PTPRD: variants seen among roughly 807,000 people sequenced by gnomAD.
PTPRD encodes receptor-type tyrosine-protein phosphatase delta.
In PTPRD, 34 loss-of-function variants were observed where a neutral mutation model predicts 214.5. The ratio of observed to expected loss-of-function variants is 0.16; its 90% CI spans 0.12 to 0.21. The LOEUF (loss-of-function observed/expected upper bound fraction) is 0.21. Ranked by LOEUF, PTPRD falls within the 10% of genes least tolerant of loss-of-function variation. The probability of loss-of-function intolerance (pLI) is 1.00; values close to 1 mark genes in which losing one functional copy is unlikely to be tolerated. For missense variants in PTPRD, 2,545 were observed against 2,398.7 expected (o/e 1.06, Z -1.27); for synonymous variants, 1,128 against 845.7 (o/e 1.33, Z -5.79).
chr9:8,531,031 C>T (rs1223354365), intron 14 of PTPRD, among the ~76,000 whole-genome samples: 3 of 152,032 alleles, frequency 2.0e-5, no homozygotes, highest in African/African-American at 7.2e-5. Flanking sequence ...GGGCCGGGTA[C>T]TAAACACACT....
chr9:9,890,372 A>C (rs1454668874), intron 5 of PTPRD, among the ~76,000 whole-genome samples: 2 of 151,274 alleles, frequency 1.3e-5, no homozygotes, highest in African/African-American at 4.8e-5. Context: ...TTTTTTTTGA[A>C]TTTTTTATAG....
chr9:8,907,002 A>G (rs1243938556), intron 11 of PTPRD, among the ~76,000 whole-genome samples: 1 of 152,102 alleles, frequency 6.6e-6, no homozygotes, highest in Non-Finnish European at 1.5e-5. Context: ...AAAAGTTAGG[A>G]CAGAATTGAA....
chr9:9,835,481 T>C (rs2056479563), intron 5 of PTPRD, among the ~76,000 whole-genome samples: 2 of 152,130 alleles, frequency 1.3e-5, no homozygotes, highest in African/African-American at 4.8e-5. Flanking sequence ...ATTGTATTGT[T>C]GGCACACTGG....
intron 9 of PTPRD, among the ~76,000 whole-genome samples, chr9:9,195,952 A>G (rs2099938338): frequency 1.3e-5 from 2 of 152,202 alleles, no homozygotes; most frequent in African/African-American, 4.8e-5. Flanking sequence ...TGAGAATTCT[A>G]AACTCTTCTT....
At position 9,281,890 on chromosome 9, in the gene PTPRD, T is replaced by C. The variant is rs80148338; in HGVS notation, c.-202-98527A>G. 4.0e-3 allele frequency among the ~76,000 whole-genome samples: 603 copies of C among 151,144 alleles called. 6 individuals carry two copies. Among genetic ancestry groups the C allele is most frequent in the African/African-American group, 0.013 (558 of 41,366 alleles). On this transcript the variant is annotated intron_variant, in intron 9 of 45. Transcript: ENST00000381196. Reference sequence around the variant, plus strand: ...GTAGATGAATGGATAAACTGTAGTATATCCAGATGATGAAATATTATTCAG... The same window carrying C: ...GTAGATGAATGGATAAACTGTAGTACATCCAGATGATGAAATATTATTCAG...
intron 6 of PTPRD, among the ~76,000 whole-genome samples, chr9:9,740,938 C>T (rs1193115533): frequency 6.6e-6 from 1 of 152,006 alleles, no homozygotes; most frequent in Non-Finnish European, 1.5e-5. Flanking sequence ...TGGCTGAAGT[C>T]TGAGGTTCAT....
intron 8 of PTPRD, among the ~76,000 whole-genome samples, chr9:9,441,807 C>T (rs1197142035): frequency 6.6e-6 from 1 of 152,186 alleles, no homozygotes; most frequent in Non-Finnish European, 1.5e-5. Context: ...GATTACCACT[C>T]AAGCTTTGCA....
chr9:10,292,054 G>T (rs2095542047), intron 3 of PTPRD, among the ~76,000 whole-genome samples: 1 of 151,864 alleles, frequency 6.6e-6, no homozygotes, highest in African/African-American at 2.4e-5. Context: ...AAGTAATTTT[G>T]GTCCCTATAT....
At chr9:10,354,971 G>C (rs10959065) in intron 2 of PTPRD, among the ~76,000 whole-genome samples, 1 of 151,982 alleles carries the variant, frequency 6.6e-6, no homozygotes. Context: ...CATTGTATTT[G>C]CTAAATAGAT....
At chr9:9,308,232 C>A (rs1024836852) in intron 9 of PTPRD, among the ~76,000 whole-genome samples, 1 of 152,136 alleles carries the variant, frequency 6.6e-6, no homozygotes, top group African/African-American at 2.4e-5. Context: ...ATATCACCAA[C>A]TAATGACACA....
At chr9:10,130,377 C>A (rs1384456135) in intron 3 of PTPRD, among the ~76,000 whole-genome samples, 13 of 152,112 alleles carry the variant, frequency 8.5e-5, no homozygotes, top group South Asian at 2.1e-4. Flanking sequence ...GTACAAAGCC[C>A]ACTTTGTCAT....
At chr9:8,694,337 T>C (rs1417058827) in intron 12 of PTPRD, among the ~76,000 whole-genome samples, 37 of 152,092 alleles carry the variant, frequency 2.4e-4, no homozygotes. Context: ...GCAGAATCCA[T>C]AGAGGTATCC....
intron 8 of PTPRD, among the ~76,000 whole-genome samples, chr9:9,507,297 G>A (rs922969584): frequency 2.6e-5 from 4 of 151,116 alleles, no homozygotes; most frequent in African/African-American, 9.7e-5. Context: ...CAGAAACTGG[G>A]ATTAAATTTG....
chr9:9,323,637 T>C (rs957254784), intron 9 of PTPRD, among the ~76,000 whole-genome samples: 2 of 152,166 alleles, frequency 1.3e-5, no homozygotes, highest in South Asian at 2.1e-4. Flanking sequence ...CCACTCATAA[T>C]AGAGACCATG....
At chr9:8,910,711 G>T (rs79628860) in intron 11 of PTPRD, among the ~76,000 whole-genome samples, 8,642 of 152,138 alleles carry the variant, frequency 0.057, 480 homozygotes, top group East Asian at 0.18. Context: ...ATAAGCAAAA[G>T]AAAATGGACT....
intron 2 of PTPRD, among the ~76,000 whole-genome samples, chr9:10,489,022 G>A (rs1487045010): frequency 6.6e-6 from 1 of 152,048 alleles, no homozygotes; most frequent in Non-Finnish European, 1.5e-5. Flanking sequence ...TTCTTAGGTG[G>A]AAGGAGTCTT....
At chr9:8,929,200 C>T (rs760553913) in intron 11 of PTPRD, among the ~76,000 whole-genome samples, 3 of 152,106 alleles carry the variant, frequency 2.0e-5, no homozygotes, top group East Asian at 3.9e-4. Flanking sequence ...TGCCTGATTG[C>T]CCTGGCCAGA....
At chr9:8,381,371 C>T (rs2085031012) in intron 37 of PTPRD, among the ~76,000 whole-genome samples, 1 of 152,122 alleles carries the variant, frequency 6.6e-6, no homozygotes, top group Non-Finnish European at 1.5e-5. Context: ...GTTATAGTAA[C>T]TATTCTGGAA....
chr9:10,423,453 A>G (rs2098571810), intron 2 of PTPRD, among the ~76,000 whole-genome samples: 1 of 152,028 alleles, frequency 6.6e-6, no homozygotes, highest in South Asian at 2.1e-4. Context: ...TTAAAATATA[A>G]TTTAAAAAAA....
Sources: gnomAD v4.1 joint callset for allele counts (sites outside exome capture counted in the v4.1 genomes callset) on GRCh38, gnomAD v4.1.1 for gene constraint, MANE v1.5 for transcripts, NCBI Gene and HGNC (gene_info 2026-07-23, HGNC 2026-07-21) for gene names.